The following UGT2A2 variants were observed in gnomAD, a reference collection of about 807,000 sequenced individuals.
UGT2A2 encodes UDP-glucuronosyltransferase 2A2.
Under a neutral mutation model 50.7 loss-of-function variants are expected in UGT2A2, and 60 were observed. That is an observed-to-expected ratio of 1.18 (90% CI 0.96 to 1.47). The LOEUF (loss-of-function observed/expected upper bound fraction) is 1.47. UGT2A2 is among the 40% of genes most tolerant of loss of function. The pLI, the probability that UGT2A2 is intolerant of heterozygous loss-of-function variation, is 0.00. For synonymous variants in UGT2A2, 242 were observed against 214.6 expected, an observed-to-expected ratio of 1.13 and a Z score of -1.11; for missense variants, 762 against 634.0, an observed-to-expected ratio of 1.20 and a Z score of -2.17.
intron 1 of UGT2A2, among the ~76,000 whole-genome samples, chr4:69,633,196 T>C (rs1721481442): frequency 6.6e-6 from 1 of 152,116 alleles, no homozygotes; most frequent in Admixed American, 6.5e-5. Flanking sequence ...ACATACACAT[T>C]TGATGAAAGA....
At chr4:69,600,067 T>C (rs1719178449) in intron 1 of UGT2A2, among the ~76,000 whole-genome samples, 1 of 152,024 alleles carries the variant, frequency 6.6e-6, no homozygotes, top group African/African-American at 2.4e-5. Flanking sequence ...AAAGTAACCA[T>C]AAACCCTTTG....
At chr4:69,625,210 AT>A (rs1720981695) in intron 1 of UGT2A2, among the ~76,000 whole-genome samples, 1 of 148,082 alleles carries the variant, frequency 6.8e-6, no homozygotes, top group Non-Finnish European at 1.5e-5. Flanking sequence ...TTTTCCTTCC[AT>A]TTTTCAGATT....
Position 69,588,761 on chromosome 4 carries a change from G to A in UGT2A2, c.*611C>T, listed in dbSNP as rs76814701. 7.2e-5 allele frequency: 11 copies of A among 152,094 alleles called. No individual in the cohort carries two copies. Among genetic ancestry groups the A allele is most frequent in the South Asian group, 2.1e-4 (1 of 4,820 alleles). 9.4% of individuals were successfully genotyped at this position (152,094 alleles called of 1,614,324 possible). A position where few individuals can be genotyped will look rare whatever the true frequency, so the allele number is the denominator to read the frequency against. ...TGAAGAAAGGCAGGCAAGTTATGCC[G>A]TGATTTTCTAGATATGCTTAATGAA... On this transcript the variant is annotated 3_prime_UTR_variant, in exon 6 of 6. Transcript: ENST00000604629.
In UGT2A2 at chr4:69,621,654, T is replaced by C. The variant is rs146185728; in HGVS notation, c.742+17245A>G. Among the ~76,000 whole-genome samples the C allele has an allele frequency of 2.1e-3, 321 of 151,998 alleles. 1 individual carries two copies. The highest frequency in any genetic ancestry group is 3.6e-3 in the Non-Finnish European group (242 of 67,924). On this transcript the variant is annotated intron_variant, in intron 1 of 5. Coordinates refer to ENST00000604629, the MANE Select transcript of UGT2A2 (RefSeq NM_001105677.2). The stretch of plus-strand genomic sequence containing the variant: ...AACCCAGCAATCCCATTCCTGGGTA[T>C]ACACCGAAAGGAATATAAATCATTC...
intron 1 of UGT2A2, among the ~76,000 whole-genome samples, chr4:69,632,232 T>A (rs1273158272): frequency 6.6e-6 from 1 of 152,152 alleles, no homozygotes; most frequent in African/African-American, 2.4e-5. Context: ...ATAATTTGAT[T>A]TGCTACCATG....
intron 1 of UGT2A2, among the ~76,000 whole-genome samples, chr4:69,620,474 C>G (rs920341932): frequency 2.7e-5 from 4 of 150,120 alleles, no homozygotes; most frequent in African/African-American, 9.8e-5. Context: ...TCAAAGAAAT[C>G]AGAGATGACA....
At chr4:69,620,103 T>C (rs1363185820) in intron 1 of UGT2A2, among the ~76,000 whole-genome samples, 1 of 152,012 alleles carries the variant, frequency 6.6e-6, no homozygotes, top group Non-Finnish European at 1.5e-5. Flanking sequence ...TCACTACTCC[T>C]ATTCAACATA....
rs147678691 is a variant in UGT2A2 at position 69,624,954 on chromosome 4, C to G, written c.742+13945G>C. Among the ~76,000 whole-genome samples, 285 of 151,212 alleles carry G rather than the reference C, an allele frequency of 1.9e-3. 1 individual carries two copies. Among genetic ancestry groups the G allele is most frequent in the Middle Eastern group, 0.014 (4 of 292 alleles). On this transcript the variant is annotated intron_variant, in intron 1 of 5. Transcript: ENST00000604629. The stretch of plus-strand genomic sequence containing the variant: ...TTTTCTTCTGCCTTCAACATTTCTT[C>G]AAGAAGTGGTGGTCTATAGAAGATT...
chr4:69,589,274 G>A lies in UGT2A2; in HGVS notation c.*98C>T. The A allele has an allele frequency of 5.1e-6, 7 of 1,373,842 alleles. No homozygotes were observed. The highest frequency in any genetic ancestry group is 2.7e-4 in the Middle Eastern group (1 of 3,714). The allele number at this position is 1,373,842 out of a possible 1,614,324, so 85.1% of individuals were successfully genotyped here. A position where few individuals can be genotyped will look rare whatever the true frequency, so the allele number is the denominator to read the frequency against. On this transcript the variant is annotated 3_prime_UTR_variant, in exon 6 of 6. Transcript: ENST00000604629. ...AAAATTTGGAAACAGGATGGGAGAC[G>A]TGTTTTTGTTAAACTCCTTTTGTCT... is the stretch of plus-strand genomic sequence containing the variant.
At position 69,596,802 on chromosome 4, in the gene UGT2A2, A is replaced by C. The variant is rs186687535; in HGVS notation, c.892-421T>G. Among the ~76,000 whole-genome samples, 3 of 152,340 alleles carry C rather than the reference A, an allele frequency of 2.0e-5. No individual in the cohort carries two copies. In the East Asian group the frequency reaches 5.8e-4, roughly 29 times the overall value. On this transcript the variant is annotated intron_variant, in intron 2 of 5. Coordinates refer to ENST00000604629, the MANE Select transcript of UGT2A2 (RefSeq NM_001105677.2). ...CTCCCAAAGTGCTGGAATTACAGGC[A>C]TGAGCCACTGTGCCCAGTCAGAAAT...
At chr4:69,597,585 G>T (rs560305926) in intron 2 of UGT2A2, among the ~76,000 whole-genome samples, 2 of 152,120 alleles carry the variant, frequency 1.3e-5, no homozygotes, top group African/African-American at 4.8e-5. Context: ...CTAGGGGAGG[G>T]TGATATCTTA....
rs770318969 is a variant in UGT2A2, at chr4:69,596,427, G to GA, written c.892-47dup. 9.1e-6 allele frequency: 13 copies of GA among 1,426,580 alleles called. No individual in the cohort carries two copies. The African/African-American group carries it at 1.5e-4, about 16-fold the overall frequency. The allele number at this position is 1,426,580 out of a possible 1,614,324, so 88.4% of individuals were successfully genotyped here. ...CTATTACAAAGGTGTAGCATCATAA[G>GA]AAAAAATAAGTTTACTTACACATTT... On this transcript the variant is annotated intron_variant, in intron 2 of 5. Transcript: ENST00000604629.
At chr4:69,598,750 CA>C (rs1352808899) in intron 2 of UGT2A2, among the ~76,000 whole-genome samples, 1 of 151,944 alleles carries the variant, frequency 6.6e-6, no homozygotes, top group Non-Finnish European at 1.5e-5. Flanking sequence ...GTAGATGGCA[CA>C]ACTGTCTAAT....
Position 69,594,678 on chromosome 4 carries a change from G to T in UGT2A2, c.1130C>A (p.Ala377Asp), listed in dbSNP as rs1024377293. ...NDLLGHPKTK[A>D]FITHGGTNGI... is the part of the protein sequence containing the mutation. ...ATTAGTTCCACCATGAGTGATAAAA[G>T]CTTTGGTTTTGGGATGTCCTAATTT... The change falls in exon 5 of 6, where the codon GCT (alanine) becomes GAT (aspartate). Residue 377 changes from alanine (A) to aspartate (D), a missense_variant. Transcript: ENST00000604629. 1 of 1,613,826 alleles carries T rather than the reference G, an allele frequency of 6.2e-7. No homozygotes were observed. The highest frequency in any genetic ancestry group is 1.3e-5 in the African/African-American group (1 of 75,030).
intron 1 of UGT2A2, among the ~76,000 whole-genome samples, chr4:69,623,354 T>C (rs532281468): frequency 2.6e-5 from 4 of 151,730 alleles, no homozygotes; most frequent in South Asian, 4.2e-4. Flanking sequence ...AGAAAAGAAT[T>C]TGAATACAAG....
At chr4:69,590,248 A>G (rs1182816985) in intron 5 of UGT2A2, among the ~76,000 whole-genome samples, 6 of 152,222 alleles carry the variant, frequency 3.9e-5, no homozygotes, top group Non-Finnish European at 8.8e-5. Context: ...ATCCAAGTAC[A>G]TGAACTTTGA....
intron 1 of UGT2A2, among the ~76,000 whole-genome samples, chr4:69,601,697 A>C (rs1339830817): frequency 2.0e-5 from 3 of 151,854 alleles, no homozygotes; most frequent in African/African-American, 7.3e-5. Flanking sequence ...AATCTCACAA[A>C]GTCTATGTAA....
chr4:69,632,506 T>C (rs2109957475), intron 1 of UGT2A2, among the ~76,000 whole-genome samples: 1 of 152,300 alleles, frequency 6.6e-6, no homozygotes, highest in East Asian at 1.9e-4. Flanking sequence ...ATAATTTCTA[T>C]TTATGACCAA....
chr4:69,599,385 G>C lies in UGT2A2; in HGVS notation c.752C>G (p.Thr251Ser). The C allele has an allele frequency of 6.2e-7, 1 of 1,613,212 alleles. No individual in the cohort carries two copies. Among genetic ancestry groups the C allele is most frequent in the Middle Eastern group, 1.7e-4 (1 of 6,058 alleles). ...SYYSKILGRP[T>S]TLCETMGKAE... ...TTTCCCCATAGTCTCACATAACGTA[G>C]TGGGTCTTCCTGGAGAAAATGTAAC... The change falls in exon 2 of 6, where the codon ACT becomes AGT. Residue 251 changes from threonine to serine, a missense_variant. By Grantham distance (58) the Thr-to-Ser change is moderately conservative (BLOSUM62 1). Transcript: ENST00000604629.
Sources: gnomAD v4.1 joint callset for allele counts (sites outside exome capture counted in the v4.1 genomes callset) on GRCh38, gnomAD v4.1.1 for gene constraint, MANE v1.5 for transcripts, NCBI Gene and HGNC (gene_info 2026-07-23, HGNC 2026-07-21) for gene names.